The following QTMAN variants were observed in gnomAD, a reference collection of about 807,000 sequenced individuals.
The protein encoded by QTMAN is tRNA-queuosine alpha-mannosyltransferase.
the QTMAN span, among the ~76,000 whole-genome samples, chr2:143,986,262 T>C: frequency 6.6e-6 from 1 of 152,218 alleles, no homozygotes; most frequent in Non-Finnish European, 1.5e-5. Flanking sequence ...CAAAAATCTC[T>C]TACCTCGTCA....
the QTMAN span, among the ~76,000 whole-genome samples, chr2:144,148,677 C>T: frequency 6.6e-6 from 1 of 151,808 alleles, no homozygotes; most frequent in African/African-American, 2.4e-5. Flanking sequence ...TACCACATGT[C>T]CCCCTACCCA....
At chr2:144,061,183 G>T in the QTMAN span, among the ~76,000 whole-genome samples, 1 of 152,028 alleles carries the variant, frequency 6.6e-6, no homozygotes, top group East Asian at 1.9e-4. Flanking sequence ...CTGAAATCAT[G>T]ACTTCATTTT....
At chr2:144,287,832 AATTT>A in the QTMAN span, among the ~76,000 whole-genome samples, 1 of 152,094 alleles carries the variant, frequency 6.6e-6, no homozygotes, top group African/African-American at 2.4e-5. Flanking sequence ...TTGACAACAC[AATTT>A]ATTTATGTAT....
the QTMAN span, among the ~76,000 whole-genome samples, chr2:143,978,846 T>C: frequency 2.0e-5 from 3 of 152,376 alleles, no homozygotes; most frequent in East Asian, 3.9e-4. Flanking sequence ...ACTAATCATT[T>C]GGATTTAACA....
the QTMAN span, among the ~76,000 whole-genome samples, chr2:144,197,317 G>GTA: frequency 2.0e-5 from 3 of 150,882 alleles, no homozygotes; most frequent in South Asian, 2.1e-4. Context: ...GTGTGTGTGT[G>GTA]TGTATATATA....
At chr2:143,996,685 G>A in the QTMAN span, among the ~76,000 whole-genome samples, 1 of 152,044 alleles carries the variant, frequency 6.6e-6, no homozygotes, top group African/African-American at 2.4e-5. Flanking sequence ...GAGGGTAAGT[G>A]GCAATATATA....
At chr2:143,945,051 T>C in the QTMAN span, 1 of 152,186 alleles carries the variant, frequency 6.6e-6, no homozygotes, top group African/African-American at 2.4e-5. Context: ...GCGCTATTTC[T>C]TGGCTGTGAG....
At chr2:144,165,014 A>C in the QTMAN span, among the ~76,000 whole-genome samples, 1 of 152,152 alleles carries the variant, frequency 6.6e-6, no homozygotes, top group South Asian at 2.1e-4. Flanking sequence ...GATGTTTTAA[A>C]AAGACTTTGG....
the QTMAN span, among the ~76,000 whole-genome samples, chr2:144,248,269 T>A: frequency 6.6e-6 from 1 of 152,166 alleles, no homozygotes; most frequent in African/African-American, 2.4e-5. Context: ...TGGAGAAATG[T>A]TCATATTATA....
At chr2:144,249,641 T>C in the QTMAN span, among the ~76,000 whole-genome samples, 2 of 152,174 alleles carry the variant, frequency 1.3e-5, no homozygotes, top group African/African-American at 4.8e-5. Context: ...ACATTAAAAA[T>C]AAACAAGGAG....
At chr2:144,189,494 A>C in the QTMAN span, among the ~76,000 whole-genome samples, 1 of 152,164 alleles carries the variant, frequency 6.6e-6, no homozygotes, top group Admixed American at 6.5e-5. Context: ...CTGATTAATA[A>C]TTTCTCAAAT....
the QTMAN span, among the ~76,000 whole-genome samples, chr2:143,988,020 C>T: frequency 6.6e-6 from 1 of 152,134 alleles, no homozygotes; most frequent in African/African-American, 2.4e-5. Context: ...GAAGAGTGAC[C>T]ATGGCTTGTA....
the QTMAN span, among the ~76,000 whole-genome samples, chr2:144,304,902 A>G: frequency 6.6e-6 from 1 of 152,208 alleles, no homozygotes; most frequent in Non-Finnish European, 1.5e-5. Context: ...GCATATGCCT[A>G]CTGTCTGTTG....
the QTMAN span, among the ~76,000 whole-genome samples, chr2:144,249,182 G>A: frequency 6.6e-5 from 10 of 152,046 alleles, no homozygotes; most frequent in South Asian, 4.1e-4. Flanking sequence ...AATAAATGAC[G>A]CAGCACAAAT....
chr2:144,285,241 G>A, the QTMAN span, among the ~76,000 whole-genome samples: 29 of 151,960 alleles, frequency 1.9e-4, no homozygotes, highest in Admixed American at 1.9e-3. Flanking sequence ...CCAGTCACAT[G>A]CACCTATATT....
At chr2:144,196,212 G>GCC in the QTMAN span, among the ~76,000 whole-genome samples, 1 of 111,624 alleles carries the variant, frequency 9.0e-6, no homozygotes, top group Non-Finnish European at 1.8e-5. Context: ...TGCACACATA[G>GCC]CCACACACAC....
chr2:143,979,767 ATAAAG>A, the QTMAN span, among the ~76,000 whole-genome samples: 84 of 152,356 alleles, frequency 5.5e-4, no homozygotes, highest in African/African-American at 2.0e-3. Context: ...CAGTTTTTAT[ATAAAG>A]TAATTATCCT....
the QTMAN span, among the ~76,000 whole-genome samples, chr2:144,050,389 A>G: frequency 6.6e-6 from 1 of 152,182 alleles, no homozygotes; most frequent in Non-Finnish European, 1.5e-5. Context: ...AGTTGCCCAA[A>G]AATAAATCAG....
At chr2:144,255,502 T>G in the QTMAN span, among the ~76,000 whole-genome samples, 3 of 152,184 alleles carry the variant, frequency 2.0e-5, no homozygotes, top group Non-Finnish European at 4.4e-5. Context: ...CCTCTTTCCT[T>G]TATAAATTAC....
Sources: allele counts gnomAD v4.1 joint callset (sites outside exome capture counted in the v4.1 genomes callset), GRCh38; gene constraint gnomAD v4.1.1; transcripts MANE v1.5; gene names NCBI Gene and HGNC (gene_info 2026-07-23, HGNC 2026-07-21).